Variants in LRP2 observed in about 807,000 individuals in gnomAD.
LRP2 encodes low-density lipoprotein receptor-related protein 2.
A neutral mutation model predicts 531.0 loss-of-function variants in LRP2; 172 were observed. The ratio of observed to expected loss-of-function variants is 0.32; its 90% CI spans 0.29 to 0.37. The LOEUF (loss-of-function observed/expected upper bound fraction) is 0.37, where lower values mean the gene tolerates loss of function less well. LRP2 is among the 10% of genes least tolerant of loss of function. The pLI is 1.00. For synonymous variants in LRP2, 1,992 were observed against 2,027.6 expected (o/e 0.98, Z 0.47); for missense variants, 5,167 against 5,868.3 (o/e 0.88, Z 3.90).
At chr2:169,281,136 T>C (rs1432396220) in intron 10 of LRP2, among the ~76,000 whole-genome samples, 1 of 152,142 alleles carries the variant, frequency 6.6e-6, no homozygotes, top group East Asian at 1.9e-4. Flanking sequence ...AAAAAAATAA[T>C]TAAGGCCAGG....
intron 16 of LRP2, among the ~76,000 whole-genome samples, chr2:169,263,805 A>G (rs1690672270): frequency 6.6e-6 from 1 of 152,088 alleles, no homozygotes; most frequent in African/African-American, 2.4e-5. Flanking sequence ...ACGTATGTTT[A>G]TTGCGGCACT....
chr2:169,286,041 T>C (rs1326340815), intron 9 of LRP2, among the ~76,000 whole-genome samples: 1 of 152,194 alleles, frequency 6.6e-6, no homozygotes, highest in Non-Finnish European at 1.5e-5. Context: ...ACAATTCCCC[T>C]AAAAATTCAG....
chr2:169,251,005 C>G (rs1459240989), intron 19 of LRP2, among the ~76,000 whole-genome samples: 1 of 25,642 alleles, frequency 3.9e-5, no homozygotes, highest in East Asian at 1.1e-3. Flanking sequence ...CCTCAGTGAC[C>G]TACAAAGAGT....
chr2:169,283,092 T>A, intron 9 of LRP2, 91 bp from the exon 10 acceptor site: 1 of 1,344,214 alleles, frequency 7.4e-7, no homozygotes, highest in Non-Finnish European at 1.1e-6. Flanking sequence ...TGGCCAAGAA[T>A]GTGGTGTTGC....
intron 43 of LRP2, among the ~76,000 whole-genome samples, chr2:169,202,236 A>G (rs1485492974): frequency 6.6e-6 from 1 of 152,218 alleles, no homozygotes; most frequent in Admixed American, 6.5e-5. Context: ...AACCAACCTC[A>G]GAACTCCCTG....
intron 29 of LRP2, among the ~76,000 whole-genome samples, chr2:169,234,047 C>G (rs758255090): frequency 4.6e-5 from 7 of 152,236 alleles, no homozygotes; most frequent in Non-Finnish European, 8.8e-5. Context: ...TCACATCAAT[C>G]TGTTATAGTT....
chr2:169,129,120 A>G (rs754662051), intron 77 of LRP2, 36 bp from the exon 78 acceptor site: 1 of 1,394,076 alleles, frequency 7.2e-7, no homozygotes, highest in Admixed American at 1.7e-5. Context: ...CCTCTCAGTA[A>G]TGGAATTATT....
intron 15 of LRP2, chr2:169,271,712 C>T (rs1683422112): frequency 1.0e-6 from 1 of 983,898 alleles, no homozygotes; most frequent in African/African-American, 1.8e-5. Context: ...CAGAGCTGAA[C>T]TCTATAGTAA....
At chr2:169,270,271 AT>A (rs1410686396) in intron 16 of LRP2, among the ~76,000 whole-genome samples, 1 of 152,218 alleles carries the variant, frequency 6.6e-6, no homozygotes, top group Non-Finnish European at 1.5e-5. Flanking sequence ...TACCCAAAGG[AT>A]TATAAATCAT....
At position 169,272,911 on chromosome 2, in the gene LRP2, A is replaced by G; in HGVS notation, c.2116+16T>C. The G allele has an allele frequency of 6.2e-7, 1 of 1,613,554 alleles. No individual in the cohort carries two copies. The highest frequency in any genetic ancestry group is 1.1e-5 in the South Asian group (1 of 91,072). On this transcript the variant is annotated intron_variant, in intron 15 of 78. Coordinates refer to ENST00000649046, the MANE Select transcript of LRP2 (RefSeq NM_004525.3). ...CCTGTGTCACCTGCCAACAACGTCC[A>G]AAACAGACTTCTTACCAATGCAGTG... is the stretch of plus-strand genomic sequence containing the variant.
At chr2:169,267,989 T>A (rs189707207) in intron 16 of LRP2, among the ~76,000 whole-genome samples, 1 of 152,098 alleles carries the variant, frequency 6.6e-6, no homozygotes, top group Non-Finnish European at 1.5e-5. Flanking sequence ...TCTATGCAAA[T>A]AAACTAGAAA....
chr2:169,257,321 A>T, intron 17 of LRP2, 72 bp from the exon 18 acceptor site: 1 of 1,500,176 alleles, frequency 6.7e-7, no homozygotes, highest in Non-Finnish European at 9.3e-7. Flanking sequence ...GATTTAGAAC[A>T]AACAGAGATT....
At chr2:169,137,540 A>G in intron 75 of LRP2, 47 bp from the exon 76 acceptor site, 1 of 1,210,592 alleles carries the variant, frequency 8.3e-7, no homozygotes, top group Non-Finnish European at 1.2e-6. Context: ...AGAGAAACAG[A>G]GAGAGAGATT....
Position 169,157,433 on chromosome 2 carries a change from C to CCGTG in LRP2, c.11956_11957insCACG (p.Gly3986AlafsTer17). ...CCCAGCTGTACAGGAGCAGATAAATCCTCCTTCATTTAATTGGGTACAATT... is the reference window on the plus strand; with the variant it reads ...CCCAGCTGTACAGGAGCAGATAAATCCGTGCTCCTTCATTTAATTGGGTACAATT... On this transcript the variant is annotated frameshift_variant, in exon 64 of 79. Transcript: ENST00000649046. LOFTEE classifies it high-confidence loss of function. The CCGTG allele has an allele frequency of 2.8e-6, 4 of 1,406,426 alleles. No individual in the cohort carries two copies. Among genetic ancestry groups the CCGTG allele is most frequent in the South Asian group, 2.3e-5 (2 of 86,940 alleles). 87.1% of individuals were successfully genotyped at this position (1,406,426 alleles called of 1,614,324 possible). A position where few individuals can be genotyped will look rare whatever the true frequency, so the allele number is the denominator to read the frequency against.
At position 169,337,337 on chromosome 2, in the gene LRP2, C is replaced by G. The variant is rs567812820; in HGVS notation, c.80-16453G>C. Among the ~76,000 whole-genome samples, 309 of 152,290 alleles carry G rather than the reference C, an allele frequency of 2.0e-3. 1 individual carries two copies. The highest frequency in any genetic ancestry group is 7.1e-3 in the African/African-American group (293 of 41,558). ...AGCAGATTGTAGGGGAACAGAGTATCTTATCAGGGCTCCTAACATCGTACC... is the reference window on the plus strand; with the variant it reads ...AGCAGATTGTAGGGGAACAGAGTATGTTATCAGGGCTCCTAACATCGTACC... On this transcript the variant is annotated intron_variant, in intron 1 of 78. Coordinates refer to ENST00000649046, the MANE Select transcript of LRP2 (RefSeq NM_004525.3).
chr2:169,264,380 G>A (rs540147041), intron 16 of LRP2, among the ~76,000 whole-genome samples: 1 of 152,126 alleles, frequency 6.6e-6, no homozygotes, highest in Non-Finnish European at 1.5e-5. Context: ...AGGTGCCTGT[G>A]GGAGACTTGG....
chr2:169,260,477 T>C (rs527570167), intron 16 of LRP2, among the ~76,000 whole-genome samples: 3 of 152,200 alleles, frequency 2.0e-5, no homozygotes, highest in African/African-American at 7.2e-5. Context: ...TGAGTGGTCA[T>C]GCCCTTCCTC....
At chr2:169,132,018 T>G (rs1685308531) in intron 77 of LRP2, among the ~76,000 whole-genome samples, 1 of 152,176 alleles carries the variant, frequency 6.6e-6, no homozygotes, top group African/African-American at 2.4e-5. Context: ...TCTTTCAATC[T>G]CCAGTATTAA....
At chr2:169,269,281 A>T (rs1683331391) in intron 16 of LRP2, among the ~76,000 whole-genome samples, 1 of 152,212 alleles carries the variant, frequency 6.6e-6, no homozygotes, top group African/African-American at 2.4e-5. Context: ...ACCAAAAAAG[A>T]GCCTGCATTG....
Sources: gnomAD v4.1 joint callset for allele counts (sites outside exome capture counted in the v4.1 genomes callset) on GRCh38, gnomAD v4.1.1 for gene constraint, MANE v1.5 for transcripts, NCBI Gene and HGNC (gene_info 2026-07-23, HGNC 2026-07-21) for gene names.